The following CNTNAP5 variants were observed in gnomAD, a reference collection of about 807,000 sequenced individuals.
The protein encoded by CNTNAP5 is contactin-associated protein-like 5.
Under a neutral mutation model 150.2 loss-of-function variants are expected in CNTNAP5, and 72 were observed. The observed-to-expected ratio is 0.48, with a 90% confidence interval of 0.40 to 0.58. The LOEUF is 0.58. Among genes scored for constraint, CNTNAP5 ranks in the 20% least tolerant of loss-of-function variants. CNTNAP5 has a pLI of 0.00. For missense variants in CNTNAP5, 1,636 were observed against 1,626.2 expected, an observed-to-expected ratio of 1.01 and a Z score of -0.10; for synonymous variants, 672 against 619.8, an observed-to-expected ratio of 1.08 and a Z score of -1.25.
intron 3 of CNTNAP5, among the ~76,000 whole-genome samples, chr2:124,280,389 C>T (rs1360871150): frequency 6.6e-6 from 1 of 152,008 alleles, no homozygotes; most frequent in Non-Finnish European, 1.5e-5. Flanking sequence ...AGACTGGTCT[C>T]GAACTCCTGA....
chr2:124,307,939 G>C (rs1278060012), intron 3 of CNTNAP5, among the ~76,000 whole-genome samples: 1 of 152,116 alleles, frequency 6.6e-6, no homozygotes, highest in Non-Finnish European at 1.5e-5. Flanking sequence ...TACAATATAT[G>C]ACAAAGCTGG....
chr2:124,829,437 T>C (rs952767971), intron 19 of CNTNAP5, among the ~76,000 whole-genome samples: 7 of 152,324 alleles, frequency 4.6e-5, no homozygotes, highest in African/African-American at 1.7e-4. Flanking sequence ...TTGGAAAGCA[T>C]ATTTTGAATA....
chr2:124,712,496 G>A (rs1010552452), intron 13 of CNTNAP5, among the ~76,000 whole-genome samples: 1 of 152,206 alleles, frequency 6.6e-6, no homozygotes, highest in Non-Finnish European at 1.5e-5. Context: ...GGTTTTATTA[G>A]CATGACAGAA....
At chr2:124,764,635 C>T (rs774715993) in intron 16 of CNTNAP5, among the ~76,000 whole-genome samples, 7 of 152,230 alleles carry the variant, frequency 4.6e-5, no homozygotes, top group Admixed American at 3.3e-4. Flanking sequence ...TGGACAGTGG[C>T]GTATCTAATA....
At chr2:124,059,610 CT>C (rs66485728) in intron 1 of CNTNAP5, among the ~76,000 whole-genome samples, 44,836 of 150,906 alleles carry the variant, frequency 0.3, 6,943 homozygotes, top group Admixed American at 0.37. Context: ...ACTGCATTTT[CT>C]TTTTTTTTTA....
intron 12 of CNTNAP5, among the ~76,000 whole-genome samples, chr2:124,627,098 G>A (rs1677740220): frequency 6.6e-6 from 1 of 152,150 alleles, no homozygotes; most frequent in Non-Finnish European, 1.5e-5. Flanking sequence ...CTGAGACCCA[G>A]CATCTGCGGG....
intron 11 of CNTNAP5, among the ~76,000 whole-genome samples, chr2:124,584,686 A>G (rs1318059213): frequency 6.6e-6 from 1 of 152,248 alleles, no homozygotes; most frequent in Non-Finnish European, 1.5e-5. Context: ...CTCTGCACAA[A>G]GAATTCTGGA....
rs549542589 is a variant in CNTNAP5 at position 124,042,272 on chromosome 2, G to A, written c.82+16540G>A. Among the ~76,000 whole-genome samples the A allele has an allele frequency of 2.6e-4, 40 of 152,192 alleles. 1 individual carries two copies. The South Asian group carries it at 8.1e-3, about 31-fold the overall frequency. ...ACTTTCATCCTGGTTCTGCTTACTGGCTATATAAATTCCTTTTCATTATTT... is the reference window on the plus strand; with the variant it reads ...ACTTTCATCCTGGTTCTGCTTACTGACTATATAAATTCCTTTTCATTATTT... On this transcript the variant is annotated intron_variant, in intron 1 of 23. Transcript: ENST00000682447.
chr2:124,491,830 G>A (rs945476861), intron 7 of CNTNAP5, among the ~76,000 whole-genome samples: 4 of 151,290 alleles, frequency 2.6e-5, no homozygotes, highest in Non-Finnish European at 4.4e-5. Flanking sequence ...AACTTGCATT[G>A]TGGTTTGGAT....
chr2:124,795,334 C>T (rs1166894400), intron 18 of CNTNAP5, among the ~76,000 whole-genome samples: 1 of 152,144 alleles, frequency 6.6e-6, no homozygotes, highest in Admixed American at 6.5e-5. Context: ...TTTCCAGCTC[C>T]TTCTCCTACT....
At chr2:124,739,319 T>C (rs1226216874) in intron 13 of CNTNAP5, among the ~76,000 whole-genome samples, 1 of 152,200 alleles carries the variant, frequency 6.6e-6, no homozygotes, top group Non-Finnish European at 1.5e-5. Context: ...TTGACTTTGA[T>C]GAGTGCCTGC....
At chr2:124,640,409 T>C (rs1031149156) in intron 12 of CNTNAP5, among the ~76,000 whole-genome samples, 18 of 152,204 alleles carry the variant, frequency 1.2e-4, no homozygotes, top group African/African-American at 4.3e-4. Context: ...CCCGCCACGC[T>C]GCGGTGTCTG....
intron 19 of CNTNAP5, among the ~76,000 whole-genome samples, chr2:124,821,853 A>T (rs1002354601): frequency 6.6e-6 from 1 of 152,210 alleles, no homozygotes; most frequent in South Asian, 2.1e-4. Context: ...TGTTTTACGC[A>T]GTCCTCCAGA....
intron 13 of CNTNAP5, among the ~76,000 whole-genome samples, chr2:124,667,818 A>C (rs1678732157): frequency 6.6e-6 from 1 of 152,190 alleles, no homozygotes; most frequent in Non-Finnish European, 1.5e-5. Context: ...GAAAGAGAAA[A>C]AGTGATAATC....
At chr2:124,786,712 G>A (rs1175312812) in intron 17 of CNTNAP5, among the ~76,000 whole-genome samples, 1 of 152,080 alleles carries the variant, frequency 6.6e-6, no homozygotes, top group Non-Finnish European at 1.5e-5. Flanking sequence ...AGGGGAGGAG[G>A]ACAGTGAGAG....
Position 124,747,303 on chromosome 2 carries a change from G to C in CNTNAP5, c.2152G>C (p.Val718Leu). The C allele has an allele frequency of 6.2e-7, 1 of 1,613,826 alleles. No homozygotes were observed. The highest frequency in any genetic ancestry group is 2.2e-5 in the East Asian group (1 of 44,802). Residue 718 changes from valine to leucine, a missense_variant, in exon 14 of 24, where the codon GTC (valine) becomes CTC (leucine). By Grantham distance (32) the Val-to-Leu change is conservative. Transcript: ENST00000682447. ...TTACTGGGGAGGTTCCCCTCCTGGG[G>C]TCCAGCAGTGTGAGTGTGGCCTAGA... ...HPYWGGSPPG[V>L]QQCECGLDES... is the part of the protein sequence containing the mutation.
chr2:124,078,913 A>G (rs1246963547), intron 1 of CNTNAP5, among the ~76,000 whole-genome samples: 1 of 152,168 alleles, frequency 6.6e-6, no homozygotes, highest in African/African-American at 2.4e-5. Context: ...GGTAGAGAGG[A>G]ATCTCCAGGT....
At chr2:124,044,889 A>AACACACACACACACAC (rs147761848) in intron 1 of CNTNAP5, among the ~76,000 whole-genome samples, 1 of 143,996 alleles carries the variant, frequency 6.9e-6, no homozygotes, top group Non-Finnish European at 1.5e-5. Context: ...GTAGTGAGGA[A>AACACACACACACACAC]ACACACACAC....
intron 13 of CNTNAP5, 51 bp from the exon 14 acceptor site, chr2:124,747,178 T>C: frequency 6.4e-7 from 1 of 1,572,598 alleles, no homozygotes; most frequent in Non-Finnish European, 8.7e-7. Flanking sequence ...CCATCCCCTG[T>C]GTTACTTCAG....
Sources: allele counts gnomAD v4.1 joint callset (sites outside exome capture counted in the v4.1 genomes callset), GRCh38; gene constraint gnomAD v4.1.1; transcripts MANE v1.5; gene names NCBI Gene and HGNC (gene_info 2026-07-23, HGNC 2026-07-21).